The following RALYL variants were observed in gnomAD, a reference collection of about 807,000 sequenced individuals.
The protein encoded by RALYL is RNA-binding Raly-like protein.
In RALYL, 29 loss-of-function variants were observed where a neutral mutation model predicts 35.1. The observed-to-expected ratio is 0.83, with a 90% CI of 0.61 to 1.13. The LOEUF (loss-of-function observed/expected upper bound fraction) is 1.13, where lower values mean the gene tolerates loss of function less well. Among genes scored for constraint, RALYL ranks in the 50% most tolerant of loss-of-function variants. The pLI is 0.00. For missense variants in RALYL, 359 were observed against 360.4 expected, an observed-to-expected ratio of 1.00 and a Z score of 0.03; for synonymous variants, 120 against 127.6, an observed-to-expected ratio of 0.94 and a Z score of 0.40.
intron 1 of RALYL, among the ~76,000 whole-genome samples, chr8:84,207,738 C>A (rs1818389664): frequency 6.6e-6 from 1 of 151,834 alleles, no homozygotes; most frequent in Admixed American, 6.6e-5. Context: ...CCCCACCCCC[C>A]AGGAAACTGT....
At chr8:84,865,750 A>C (rs1299463512) in intron 6 of RALYL, among the ~76,000 whole-genome samples, 3 of 152,190 alleles carry the variant, frequency 2.0e-5, no homozygotes, top group Non-Finnish European at 2.9e-5. Context: ...AATTTCTTTA[A>C]AGAATTAATT....
chr8:84,499,387 A>C (rs1233501905), intron 1 of RALYL, among the ~76,000 whole-genome samples: 1 of 152,212 alleles, frequency 6.6e-6, no homozygotes, highest in Non-Finnish European at 1.5e-5. Context: ...TGCCTTGTGA[A>C]GTTTATCACC....
intron 3 of RALYL, among the ~76,000 whole-genome samples, chr8:84,777,321 A>T (rs1817067062): frequency 6.6e-6 from 1 of 152,196 alleles, no homozygotes; most frequent in African/African-American, 2.4e-5. Flanking sequence ...AGATTTTCTG[A>T]GCATCAAACC....
chr8:84,195,072 C>T (rs1814898106), intron 1 of RALYL, among the ~76,000 whole-genome samples: 2 of 152,120 alleles, frequency 1.3e-5, no homozygotes, highest in South Asian at 4.1e-4. Flanking sequence ...GTTAAAAACA[C>T]ACAATGCTTA....
chr8:84,423,371 C>A (rs1364577782), intron 1 of RALYL, among the ~76,000 whole-genome samples: 1 of 149,538 alleles, frequency 6.7e-6, no homozygotes, highest in Non-Finnish European at 1.5e-5. Context: ...AGGATTGCAA[C>A]CCCTGCCTTT....
chr8:84,739,297 G>A (rs1290851861), intron 2 of RALYL, among the ~76,000 whole-genome samples: 3 of 151,534 alleles, frequency 2.0e-5, no homozygotes, highest in African/African-American at 4.8e-5. Flanking sequence ...TATAATCACT[G>A]GAAAGAGAAA....
intron 1 of RALYL, among the ~76,000 whole-genome samples, chr8:84,509,527 C>T (rs1216950001): frequency 6.6e-6 from 1 of 152,094 alleles, no homozygotes; most frequent in Non-Finnish European, 1.5e-5. Flanking sequence ...TTTAATAAAA[C>T]TCAGCTTATC....
chr8:84,279,142 G>T (rs1836013935), intron 1 of RALYL, among the ~76,000 whole-genome samples: 1 of 152,100 alleles, frequency 6.6e-6, no homozygotes, highest in South Asian at 2.1e-4. Context: ...CATGTGCAGG[G>T]GAACTCCATT....
intron 1 of RALYL, among the ~76,000 whole-genome samples, chr8:84,203,891 G>T (rs1319248620): frequency 1.3e-5 from 2 of 151,924 alleles, no homozygotes; most frequent in Non-Finnish European, 2.9e-5. Context: ...ATTCTCAATG[G>T]ACTCAAAATA....
At chr8:84,212,824 G>A (rs748721748) in intron 1 of RALYL, among the ~76,000 whole-genome samples, 1 of 152,052 alleles carries the variant, frequency 6.6e-6, no homozygotes, top group Non-Finnish European at 1.5e-5. Context: ...TTGCATGTCT[G>A]AAACAAGCTG....
intron 3 of RALYL, among the ~76,000 whole-genome samples, chr8:84,779,579 A>G (rs1018233582): frequency 6.6e-6 from 1 of 152,226 alleles, no homozygotes; most frequent in South Asian, 2.1e-4. Flanking sequence ...CCAGATGACC[A>G]TGAGAATCAA....
intron 1 of RALYL, among the ~76,000 whole-genome samples, chr8:84,497,761 C>T (rs1359834465): frequency 6.6e-6 from 1 of 150,648 alleles, no homozygotes; most frequent in African/African-American, 2.4e-5. Context: ...ACTGCCTCAG[C>T]CTCCCGAGTA....
chr8:84,254,310 A>T (rs1286076256), intron 1 of RALYL, among the ~76,000 whole-genome samples: 2 of 152,144 alleles, frequency 1.3e-5, no homozygotes, highest in Admixed American at 1.3e-4. Context: ...GTACTTGTTC[A>T]AATTGTTGGT....
At chr8:84,264,500 A>G (rs185064742) in intron 1 of RALYL, among the ~76,000 whole-genome samples, 2 of 122,874 alleles carry the variant, frequency 1.6e-5, no homozygotes, top group Admixed American at 9.7e-5. Flanking sequence ...TAGATTCTGG[A>G]TATTAGGCCT....
At chr8:84,223,146 T>G (rs545268719) in intron 1 of RALYL, among the ~76,000 whole-genome samples, 1 of 130,948 alleles carries the variant, frequency 7.6e-6, no homozygotes, top group South Asian at 2.4e-4. Context: ...TCCTTTCCTT[T>G]CCTTTCCTTT....
chr8:84,667,582 A>AT (rs1159463141), intron 2 of RALYL, among the ~76,000 whole-genome samples: 1 of 151,988 alleles, frequency 6.6e-6, no homozygotes, highest in Non-Finnish European at 1.5e-5. Flanking sequence ...CTGCTGAAGG[A>AT]TTTTTCCTGT....
At chr8:84,524,705 A>C (rs1173100083) in intron 1 of RALYL, among the ~76,000 whole-genome samples, 1 of 152,186 alleles carries the variant, frequency 6.6e-6, no homozygotes. Flanking sequence ...ATCTCTCTCA[A>C]ATAGAAATTA....
At chr8:84,381,304 G>A (rs1857947037) in intron 1 of RALYL, among the ~76,000 whole-genome samples, 1 of 151,784 alleles carries the variant, frequency 6.6e-6, no homozygotes, top group African/African-American at 2.4e-5. Context: ...TTGTGTATGT[G>A]TGTATATCTG....
At chr8:84,561,783 G>T (rs1178202817) in intron 2 of RALYL, among the ~76,000 whole-genome samples, 2 of 151,924 alleles carry the variant, frequency 1.3e-5, no homozygotes, top group African/African-American at 2.4e-5. Flanking sequence ...GACGATTTGG[G>T]TTCTGGAATG....
Sources: allele counts gnomAD v4.1 joint callset (sites outside exome capture counted in the v4.1 genomes callset), GRCh38; gene constraint gnomAD v4.1.1; transcripts MANE v1.5; gene names NCBI Gene and HGNC (gene_info 2026-07-23, HGNC 2026-07-21).